Variants in KREMEN1 observed in about 807,000 individuals in gnomAD.
The protein encoded by KREMEN1 is kringle containing transmembrane protein 1.
KREMEN1 carries 30 observed loss-of-function variants against 46.5 expected under a neutral mutation model. The observed-to-expected ratio is 0.65, with a 90% CI of 0.48 to 0.88. The LOEUF (loss-of-function observed/expected upper bound fraction) is 0.88. Among genes scored for constraint, KREMEN1 ranks in the 40% least tolerant of loss-of-function variants. KREMEN1 has a pLI of 0.00. For synonymous variants in KREMEN1, 214 were observed against 230.6 expected (o/e 0.93, Z 0.65); for missense variants, 533 against 596.9 (o/e 0.89, Z 1.11).
intron 3 of KREMEN1, chr22:29,111,436 C>T (rs1336583397): frequency 6.6e-6 from 1 of 151,652 alleles, no homozygotes; most frequent in Non-Finnish European, 1.5e-5. Context: ...CACAGTGAAA[C>T]CCCGTCTCTA....
At chr22:29,119,448 G>A (rs148614119) in intron 3 of KREMEN1, among the ~76,000 whole-genome samples, 2 of 152,356 alleles carry the variant, frequency 1.3e-5, no homozygotes, top group Non-Finnish European at 2.9e-5. Flanking sequence ...ATGTGGGGGT[G>A]TGGGACTGAA....
At chr22:29,103,195 A>G (rs1601770963) in intron 3 of KREMEN1, among the ~76,000 whole-genome samples, 1 of 152,220 alleles carries the variant, frequency 6.6e-6, no homozygotes, top group East Asian at 1.9e-4. Context: ...CATGATTAGT[A>G]TTGAACTTGT....
chr22:29,144,984 C>G lies in KREMEN1; in HGVS notation c.*2872C>G, dbSNP rs970768699. ...CAACTTACGATCCGTGGAGCAGCCCCGGGAAACCCAAATCTGGCTCAGGAC... is the reference window on the plus strand; with the variant it reads ...CAACTTACGATCCGTGGAGCAGCCCGGGGAAACCCAAATCTGGCTCAGGAC... On this transcript the variant is annotated 3_prime_UTR_variant, in exon 9 of 9. Coordinates refer to ENST00000400335, the MANE Select transcript of KREMEN1 (RefSeq NM_001039570.3). 2 of 985,418 alleles carry G rather than the reference C, an allele frequency of 2.0e-6. No individual in the cohort carries two copies. Among genetic ancestry groups the G allele is most frequent in the Admixed American group, 6.1e-5 (1 of 16,280 alleles). 61.0% of individuals were successfully genotyped at this position (985,418 alleles called of 1,614,324 possible).
intron 8 of KREMEN1, among the ~76,000 whole-genome samples, chr22:29,141,293 G>GTGTC (rs1363332519): frequency 9.4e-4 from 132 of 140,998 alleles, no homozygotes; most frequent in African/African-American, 3.7e-3. Flanking sequence ...GTCTGTGTGT[G>GTGTC]TGTGTCTGTG....
rs113364001 is a variant in KREMEN1, at chr22:29,105,248, C to G, written c.352+6295C>G. Among the ~76,000 whole-genome samples the G allele has an allele frequency of 7.4e-3, 1,132 of 152,212 alleles. 7 individuals carry two copies. Among genetic ancestry groups the G allele is most frequent in the South Asian group, 0.012 (56 of 4,816 alleles). ...GGGCTTCTCTACTTTAAAGTACATC[C>G]AGTCACCTGGGATCTTATTAAAATA... On this transcript the variant is annotated intron_variant, in intron 3 of 8. Coordinates refer to ENST00000400335, the MANE Select transcript of KREMEN1 (RefSeq NM_001039570.3).
In KREMEN1 at chr22:29,146,530, A is replaced by G. The variant is rs980517481; in HGVS notation, c.*4418A>G. Reference sequence around the variant, plus strand: ...CACGGGAGCTGCCATCGTGGGTCTCATGCACGTCAAGACCTTCCCACATCC... The same window carrying G: ...CACGGGAGCTGCCATCGTGGGTCTCGTGCACGTCAAGACCTTCCCACATCC... On this transcript the variant is annotated 3_prime_UTR_variant, in exon 9 of 9. Transcript: ENST00000400335. 2.0e-6 allele frequency: 2 copies of G among 985,646 alleles called. No homozygotes were observed. The highest frequency in any genetic ancestry group is 4.7e-5 in the South Asian group (1 of 21,288). The allele number at this position is 985,646 out of a possible 1,614,324, so 61.1% of individuals were successfully genotyped here.
intron 7 of KREMEN1, 143 bp from the exon 8 acceptor site, chr22:29,140,139 G>A: frequency 1.5e-6 from 1 of 652,432 alleles, no homozygotes; most frequent in Admixed American, 2.6e-5. Context: ...AGCTGCTCCT[G>A]AGGCTAGGTT....
rs2038827447 is a variant in KREMEN1 at position 29,144,776 on chromosome 22, C to T, written c.*2664C>T. 1.0e-6 allele frequency: 1 copy of T among 985,388 alleles called. No individual in the cohort carries two copies. The highest frequency in any genetic ancestry group is 4.7e-5 in the South Asian group (1 of 21,294). 61.0% of individuals were successfully genotyped at this position (985,388 alleles called of 1,614,324 possible). ...CACTGACCACTGGCCTCTGGGGTGT[C>T]CTGCAGCCCAAATGCCCACCTTGCC... On this transcript the variant is annotated 3_prime_UTR_variant, in exon 9 of 9. Transcript: ENST00000400335.
In KREMEN1 at chr22:29,095,874, T is replaced by TAAA. The variant is rs10649506; in HGVS notation, c.260+1463_260+1465dup. ...TATAAAAGTGTTAAAAGCTTATTCT[T>TAAA]AAAAAAAAAAACTTCTCCAACACCA... On this transcript the variant is annotated intron_variant, in intron 2 of 8. Coordinates refer to ENST00000400335, the MANE Select transcript of KREMEN1 (RefSeq NM_001039570.3). 5.2e-3 allele frequency among the ~76,000 whole-genome samples: 758 copies of TAAA among 145,184 alleles called. 6 individuals are homozygous for TAAA. Among genetic ancestry groups the TAAA allele is most frequent in the African/African-American group, 0.018 (719 of 40,014 alleles).
downstream of KREMEN1, among the ~76,000 whole-genome samples, chr22:29,151,600 C>T (rs1043724805): frequency 6.6e-6 from 1 of 152,186 alleles, no homozygotes; most frequent in Admixed American, 6.5e-5. Context: ...CAAATGGTCA[C>T]GCTTGTGTTC....
intron 5 of KREMEN1, among the ~76,000 whole-genome samples, chr22:29,131,531 T>C (rs1221805916): frequency 7.9e-5 from 1 of 12,716 alleles, no homozygotes; most frequent in African/African-American, 1.7e-4. Context: ...TTCATATATA[T>C]ATATATATAT....
rs762595574 is a variant in KREMEN1, at chr22:29,137,635, C to G, written c.925C>G (p.Arg309Gly). 5 of 1,608,374 alleles carry G rather than the reference C, an allele frequency of 3.1e-6. No homozygotes were observed. Among genetic ancestry groups the G allele is most frequent in the Non-Finnish European group, 3.4e-6 (4 of 1,175,362 alleles). Residue 309 changes from arginine (R) to glycine (G), a missense_variant, in exon 6 of 9, where the codon CGC becomes GGC. By Grantham distance (125) the Arg-to-Gly change is moderately radical. Coordinates refer to ENST00000400335, the MANE Select transcript of KREMEN1 (RefSeq NM_001039570.3). Reference sequence around the variant, plus strand: ...CGTCATCTTGTATTTCTTCTCTGATCGCATCAATCAGGCCCAGGGATTTGC... The same window carrying G: ...CGTCATCTTGTATTTCTTCTCTGATGGCATCAATCAGGCCCAGGGATTTGC... ...DFVILYFFSD[R>G]INQAQGFAVL...
intron 3 of KREMEN1, among the ~76,000 whole-genome samples, chr22:29,119,326 C>T (rs1047312473): frequency 6.6e-6 from 1 of 152,232 alleles, no homozygotes; most frequent in Non-Finnish European, 1.5e-5. Context: ...TATTTATTCA[C>T]CAACCCAGAA....
At chr22:29,084,266 A>G (rs187998398) in intron 1 of KREMEN1, among the ~76,000 whole-genome samples, 1 of 152,176 alleles carries the variant, frequency 6.6e-6, no homozygotes, top group Admixed American at 6.5e-5. Context: ...TATCAGCGAA[A>G]TCTTCGTGAC....
intron 1 of KREMEN1, among the ~76,000 whole-genome samples, chr22:29,091,005 C>T (rs776338238): frequency 6.6e-6 from 1 of 152,160 alleles, no homozygotes; most frequent in Non-Finnish European, 1.5e-5. Flanking sequence ...CAGAGTTTCA[C>T]TCTTGTTGCC....
At chr22:29,150,445 C>G (rs1003548994), downstream of KREMEN1, among the ~76,000 whole-genome samples, 4 of 152,240 alleles carry the variant, frequency 2.6e-5, no homozygotes, top group Non-Finnish European at 5.9e-5. Context: ...AGTAACCCCT[C>G]CGGGAGAAAC....
rs144576192 is a variant in KREMEN1 at position 29,141,847 on chromosome 22, C to T, written c.1209-97C>T. 2.4e-4 allele frequency: 240 copies of T among 990,016 alleles called. 2 individuals carry two copies. In the African/African-American group the frequency reaches 3.5e-3, roughly 14 times the overall value. The allele number at this position is 990,016 out of a possible 1,614,324, so 61.3% of individuals were successfully genotyped here. ...GTGGCTGTGAGGTCCTTCCCAAGAC[C>T]TTGCCCCACCCCATTTCATAGATAC... is the stretch of plus-strand genomic sequence containing the variant. On this transcript the variant is annotated intron_variant, in intron 8 of 8. Transcript: ENST00000400335.
At chr22:29,166,218 G>A (rs2039051634) in intron 9 of KREMEN1, among the ~76,000 whole-genome samples, 1 of 149,800 alleles carries the variant, frequency 6.7e-6, no homozygotes. Flanking sequence ...TGAGTGACCA[G>A]ATGGCTCTTT....
At chr22:29,088,712 T>C (rs1222923601) in intron 1 of KREMEN1, among the ~76,000 whole-genome samples, 3 of 152,228 alleles carry the variant, frequency 2.0e-5, no homozygotes, top group African/African-American at 7.2e-5. Context: ...TTTATGATTA[T>C]ACAATAATAA....
Sources: allele counts gnomAD v4.1 joint callset (sites outside exome capture counted in the v4.1 genomes callset), GRCh38; gene constraint gnomAD v4.1.1; transcripts MANE v1.5; gene names NCBI Gene and HGNC (gene_info 2026-07-23, HGNC 2026-07-21).